The following GALNT16 variants were observed in gnomAD, a reference collection of about 807,000 sequenced individuals.
GALNT16 encodes the protein UDP-GalNAc:polypeptide N-acetylgalactosaminyltransferase-like protein 1.
In GALNT16, 40 loss-of-function variants were observed where a neutral mutation model predicts 76.1. That is an observed-to-expected ratio of 0.53 (90% CI 0.41 to 0.68). The LOEUF (loss-of-function observed/expected upper bound fraction) is 0.68. GALNT16 is among the 30% of genes least tolerant of loss of function. GALNT16 has a pLI of 0.00. For synonymous variants in GALNT16, 276 were observed against 285.2 expected (o/e 0.97, Z 0.32); for missense variants, 621 against 731.9 (o/e 0.85, Z 1.75).
chr14:69,338,667 G>T lies in GALNT16; in HGVS notation c.984G>T (p.Val328=). 1 of 1,614,018 alleles carries T rather than the reference G, an allele frequency of 6.2e-7. No homozygotes were observed. The highest frequency in any genetic ancestry group is 8.5e-7 in the Non-Finnish European group (1 of 1,179,954). Residue 328 remains valine (V), a synonymous_variant, in exon 10 of 15, where the codon GTG becomes GTT. Transcript: ENST00000448469. ...GGENFELSFR[V]WMCGGSLEIV... The stretch of plus-strand genomic sequence containing the variant: ...TTCCTGCAGAGCTCTCCTTCAGGGT[G>T]TGGATGTGTGGTGGCAGTCTGGAGA...
chr14:69,346,947 C>T (rs2045572636), intron 12 of GALNT16, 93 bp from the exon 13 acceptor site: 3 of 1,520,388 alleles, frequency 2.0e-6, no homozygotes, highest in African/African-American at 1.4e-5. Context: ...GACCTCGGCG[C>T]TCCCAGAGCT....
At chr14:69,291,717 G>T (rs764838038) in intron 1 of GALNT16, among the ~76,000 whole-genome samples, 1 of 152,266 alleles carries the variant, frequency 6.6e-6, no homozygotes, top group Non-Finnish European at 1.5e-5. Context: ...TCCACCCCCT[G>T]GACTTCAGTC....
At chr14:69,342,473 G>GC (rs2045501438) in intron 12 of GALNT16, among the ~76,000 whole-genome samples, 9 of 43,958 alleles carry the variant, frequency 2.0e-4, no homozygotes, top group African/African-American at 6.3e-4. Context: ...AAGAAGGAAG[G>GC]AAGGGAGGGA....
chr14:69,267,728 G>T (rs2044358847), intron 1 of GALNT16, among the ~76,000 whole-genome samples: 1 of 152,096 alleles, frequency 6.6e-6, no homozygotes, highest in South Asian at 2.1e-4. Context: ...CCACTTCTAG[G>T]CTCAGCCCTG....
chr14:69,306,902 G>A (rs2044943464), intron 1 of GALNT16, among the ~76,000 whole-genome samples: 1 of 152,172 alleles, frequency 6.6e-6, no homozygotes, highest in African/African-American at 2.4e-5. Flanking sequence ...ACAATTTAAT[G>A]CAGTATTCAA....
intron 1 of GALNT16, among the ~76,000 whole-genome samples, chr14:69,271,778 T>C (rs985271379): frequency 6.6e-6 from 1 of 152,252 alleles, no homozygotes; most frequent in Admixed American, 6.5e-5. Context: ...GAAATCTCAA[T>C]ACAGATCAAG....
Position 69,323,717 on chromosome 14 carries a change from T to TC in GALNT16, c.336-970dup, listed in dbSNP as rs199811974. Among the ~76,000 whole-genome samples, 1,021 of 152,120 alleles carry TC rather than the reference T, an allele frequency of 6.7e-3. 19 individuals carry two copies. The highest frequency in any genetic ancestry group is 5.6e-3 in the Non-Finnish European group (381 of 68,002). On this transcript the variant is annotated intron_variant, in intron 2 of 14. Transcript: ENST00000448469. ...AATTATTGCACAGCCTCTCAAGATT[T>TC]CCCCCAGGGGGGTCCCAGGCTAGTG...
intron 2 of GALNT16, among the ~76,000 whole-genome samples, chr14:69,321,182 C>T (rs2045176901): frequency 6.6e-6 from 1 of 152,172 alleles, no homozygotes; most frequent in Admixed American, 6.5e-5. Flanking sequence ...GCTCTTGGGG[C>T]CTTACTGGTG....
At chr14:69,381,167 C>T in the GALNT16 span, among the ~76,000 whole-genome samples, 1 of 152,094 alleles carries the variant, frequency 6.6e-6, no homozygotes, top group Non-Finnish European at 1.5e-5. Context: ...TGTAGTCCTG[C>T]CTACTCAGGA....
At chr14:69,306,346 T>TG (rs1306074822) in intron 1 of GALNT16, among the ~76,000 whole-genome samples, 1 of 152,234 alleles carries the variant, frequency 6.6e-6, no homozygotes, top group Non-Finnish European at 1.5e-5. Context: ...ATCATTTCCT[T>TG]GGGAAAGACC....
At chr14:69,382,789 C>CAAAAAAAAAAAAA in the GALNT16 span, among the ~76,000 whole-genome samples, 8 of 103,156 alleles carry the variant, frequency 7.8e-5, no homozygotes, top group African/African-American at 3.0e-4. Flanking sequence ...ACTCTATCTC[C>CAAAAAAAAAAAAA]AAAAGAAAAA....
chr14:69,370,890 A>G, the GALNT16 span, among the ~76,000 whole-genome samples: 1 of 152,236 alleles, frequency 6.6e-6, no homozygotes, highest in Non-Finnish European at 1.5e-5. Context: ...GTGCAAATCA[A>G]TGCAAAAGGC....
chr14:69,287,266 T>TA (rs765390214), intron 1 of GALNT16, among the ~76,000 whole-genome samples: 26 of 152,340 alleles, frequency 1.7e-4, no homozygotes, highest in Admixed American at 9.2e-4. Context: ...ATCCCAGAGA[T>TA]AAAATCCCTG....
At chr14:69,330,771 G>C (rs987889799) in intron 6 of GALNT16, among the ~76,000 whole-genome samples, 1 of 152,190 alleles carries the variant, frequency 6.6e-6, no homozygotes, top group African/African-American at 2.4e-5. Context: ...GGCTCATGAA[G>C]GGTGATGAAG....
the GALNT16 span, among the ~76,000 whole-genome samples, chr14:69,385,395 CTCCTTATCTT>C: frequency 6.6e-6 from 1 of 152,122 alleles, no homozygotes; most frequent in African/African-American, 2.4e-5. Context: ...GATGTCCTTG[CTCCTTATCTT>C]TCTGAGATAA....
intron 6 of GALNT16, among the ~76,000 whole-genome samples, chr14:69,329,437 A>AT (rs1307066560): frequency 6.6e-6 from 1 of 152,224 alleles, no homozygotes; most frequent in African/African-American, 2.4e-5. Context: ...CTAGGAAAAG[A>AT]TGCTCAGCAT....
rs745480434 is a variant in GALNT16 at position 69,260,399 on chromosome 14, G to T, written c.109G>T (p.Gly37Cys). 5 of 1,605,974 alleles carry T rather than the reference G, an allele frequency of 3.1e-6. No homozygotes were observed. The highest frequency in any genetic ancestry group is 4.3e-6 in the Non-Finnish European group (5 of 1,176,230). The part of the protein sequence containing the change: ...DNRAHAASSG[G>C]RGAQRAGRRS... ...CCGAGCCCACGCAGCATCCTCCGGC[G>T]GCCGGGGCGCGCAGAGGGCAGGCAG... Residue 37 changes from glycine to cysteine, a missense_variant, in exon 1 of 15, where the codon GGC (glycine) becomes TGC (cysteine). Physicochemically the swap from Gly to Cys is radical, Grantham distance 159 (BLOSUM62 -3). Transcript: ENST00000448469.
chr14:69,293,545 A>G (rs2044714275), intron 1 of GALNT16, among the ~76,000 whole-genome samples: 1 of 152,218 alleles, frequency 6.6e-6, no homozygotes, highest in Non-Finnish European at 1.5e-5. Context: ...TTCTCATAAC[A>G]ACCTGAAATA....
At chr14:69,274,111 A>G (rs976194408) in intron 1 of GALNT16, among the ~76,000 whole-genome samples, 3 of 152,196 alleles carry the variant, frequency 2.0e-5, no homozygotes, top group Non-Finnish European at 4.4e-5. Flanking sequence ...TCATCTGGAA[A>G]ATGAGGATGC....
Sources: allele counts gnomAD v4.1 joint callset (sites outside exome capture counted in the v4.1 genomes callset), GRCh38; gene constraint gnomAD v4.1.1; transcripts MANE v1.5; gene names NCBI Gene and HGNC (gene_info 2026-07-23, HGNC 2026-07-21).